KIF7: variants seen among roughly 807,000 people sequenced by gnomAD.
KIF7 encodes the protein kinesin family member 7, also known as kinesin-like protein KIF7.
A neutral mutation model predicts 135.7 loss-of-function variants in KIF7; 104 were observed. The observed-to-expected ratio is 0.77, with a 90% CI of 0.65 to 0.90. The LOEUF is 0.90. Among genes scored for constraint, KIF7 ranks in the 40% least tolerant of loss-of-function variants. The pLI is 0.00. For missense variants in KIF7, 2,005 were observed against 1,839.1 expected (o/e 1.09, Z -1.65); for synonymous variants, 883 against 809.4 (o/e 1.09, Z -1.54).
Position 89,652,910 on chromosome 15 carries a change from C to G in KIF7, c.21G>C (p.Arg7Ser). 1 of 1,526,428 alleles carries G rather than the reference C, an allele frequency of 6.6e-7. No individual in the cohort carries two copies. The highest frequency in any genetic ancestry group is 8.8e-7 in the Non-Finnish European group (1 of 1,133,644). 94.6% of individuals were successfully genotyped at this position (1,526,428 alleles called of 1,614,324 possible). ...CTGGGGCCTCCTCAGCCCCTGGCAG[C>G]CTCTGAGCCTCCAGCCCCATGCCGA... MGLEAQ[R>S]LPGAEEAPVR... Residue 7 changes from arginine to serine, a missense_variant, in exon 2 of 19, where the codon AGG (arginine) becomes AGC (serine). Physicochemically the swap from Arg to Ser is moderately radical, Grantham distance 110. Transcript: ENST00000394412.
In KIF7 at chr15:89,629,036, A is replaced by C; in HGVS notation, c.3604T>G (p.Trp1202Gly). The C allele has an allele frequency of 6.2e-7, 1 of 1,613,384 alleles. No individual in the cohort carries two copies. Among genetic ancestry groups the C allele is most frequent in the Non-Finnish European group, 8.5e-7 (1 of 1,179,930 alleles). The change falls in exon 18 of 19, where the codon TGG becomes GGG. Residue 1202 changes from tryptophan to glycine, a missense_variant. Transcript: ENST00000394412. Reference sequence around the variant, plus strand: ...TTCTGTTTCAGTTCCTGGTTTATCCACATGTAACGGCCCAGTTCCTTCTCC... The same window carrying C: ...TTCTGTTTCAGTTCCTGGTTTATCCCCATGTAACGGCCCAGTTCCTTCTCC... ...ALEKELGRYMWINQELKQKLG... is the reference protein window; with the variant it reads ...ALEKELGRYMGINQELKQKLG...
chr15:89,657,503 G>A (rs1964220465), upstream of KIF7, among the ~76,000 whole-genome samples: 1 of 152,136 alleles, frequency 6.6e-6, no homozygotes, highest in South Asian at 2.1e-4. Flanking sequence ...TGGATGTGCA[G>A]TGTTTTTCTG....
At chr15:89,623,487 C>A, downstream of KIF7, 1 of 935,444 alleles carries the variant, frequency 1.1e-6, no homozygotes, top group Non-Finnish European at 1.6e-6. Flanking sequence ...AAACGGGTCA[C>A]TATTTGAGAT....
chr15:89,623,863 G>T, downstream of KIF7: 1 of 1,613,940 alleles, frequency 6.2e-7, no homozygotes, highest in Non-Finnish European at 8.5e-7. Context: ...GGCAGGAGAA[G>T]GTACCTCTCT....
In KIF7 at chr15:89,646,042, A is replaced by G. The variant is rs368392945; in HGVS notation, c.1789-16T>C. 1 of 1,613,162 alleles carries G rather than the reference A, an allele frequency of 6.2e-7. No homozygotes were observed. Among genetic ancestry groups the G allele is most frequent in the Non-Finnish European group, 8.5e-7 (1 of 1,179,908 alleles). ...TTGTCACCTGCTAGGGGAGTGAGCC[A>G]TTTCCCATCCCAAGTCATCATCCCT... On this transcript the variant is annotated splice_polypyrimidine_tract_variant and intron_variant, in intron 7 of 18. Transcript: ENST00000394412.
downstream of KIF7, chr15:89,624,107 A>G (rs761093096): frequency 6.2e-7 from 1 of 1,613,674 alleles, no homozygotes; most frequent in South Asian, 1.1e-5. Flanking sequence ...AATCAAACAC[A>G]CCAACAGCCC....
downstream of KIF7, among the ~76,000 whole-genome samples, chr15:89,623,258 G>A (rs1324725003): frequency 2.6e-5 from 4 of 152,228 alleles, no homozygotes; most frequent in African/African-American, 9.7e-5. Context: ...GGCTCCTGGA[G>A]GCTGCTTTAG....
intron 15 of KIF7, chr15:89,631,193 C>T: frequency 2.4e-6 from 1 of 411,116 alleles, no homozygotes; most frequent in East Asian, 4.3e-5. Flanking sequence ...ACACTCCACA[C>T]ACGAAGCCGA....
downstream of KIF7, among the ~76,000 whole-genome samples, chr15:89,623,319 G>A (rs1963455937): frequency 6.6e-6 from 1 of 152,226 alleles, no homozygotes; most frequent in South Asian, 2.1e-4. Flanking sequence ...GAGCTAGAGA[G>A]TAGCTGCAGT....
In KIF7 at chr15:89,648,268, G is replaced by GC; in HGVS notation, c.1429dup (p.Ala477GlyfsTer8). 1 of 1,514,674 alleles carries GC rather than the reference G, an allele frequency of 6.6e-7. No individual in the cohort carries two copies. Among genetic ancestry groups the GC allele is most frequent in the Non-Finnish European group, 8.8e-7 (1 of 1,133,858 alleles). The allele number at this position is 1,514,674 out of a possible 1,614,324, so 93.8% of individuals were successfully genotyped here. On this transcript the variant is annotated frameshift_variant, in exon 5 of 19. Transcript: ENST00000394412. LOFTEE classifies it high-confidence loss of function. ...TCCCTCGGCCACCTTTCGCCCGCCG[G>GC]CCCCCTGCGCCGCCTGGTCCTCGAC... is the stretch of plus-strand genomic sequence containing the variant.
Position 89,628,439 on chromosome 15 carries a change from C to CATCA in KIF7, c.4008_4011dup (p.Val1338Ter). 1 of 1,607,098 alleles carries CATCA rather than the reference C, an allele frequency of 6.2e-7. No individual in the cohort carries two copies. Among genetic ancestry groups the CATCA allele is most frequent in the Non-Finnish European group, 8.5e-7 (1 of 1,176,512 alleles). ...AGGGCTTACAGGGGGTTTTTCCGGA[C>CATCA]ATCAATCATCCCCGGGCTGGCTCGT... On this transcript the variant is annotated stop_gained and frameshift_variant, in exon 19 of 19. Coordinates refer to ENST00000394412, the MANE Select transcript of KIF7 (RefSeq NM_198525.3). LOFTEE classifies it high-confidence loss of function.
intron 7 of KIF7, 40 bp downstream of exon 7, chr15:89,646,790 C>A: frequency 6.3e-7 from 1 of 1,590,804 alleles, no homozygotes; most frequent in Non-Finnish European, 8.6e-7. Context: ...TTGACCAGTC[C>A]AGCAGGGCCC....
At chr15:89,630,261 TG>T (rs759958018) in intron 16 of KIF7, 25 bp downstream of exon 16, 2 of 1,609,636 alleles carry the variant, frequency 1.2e-6, no homozygotes, top group Non-Finnish European at 8.5e-7. Context: ...GAGGAGGAGC[TG>T]GGGGGCCATG....
chr15:89,657,114 C>T (rs111410561), upstream of KIF7, among the ~76,000 whole-genome samples: 1 of 152,042 alleles, frequency 6.6e-6, no homozygotes, highest in Non-Finnish European at 1.5e-5. Flanking sequence ...TTGAGACCAA[C>T]CTGGGCAATA....
Position 89,647,027 on chromosome 15 carries a change from T to TCTC in KIF7, c.1588_1590dup (p.Glu530dup). On this transcript the variant is annotated inframe_insertion, in exon 7 of 19. Transcript: ENST00000394412. ...TCTAACCGCAGCCGCAGTTCCACCA[T>TCTC]CTCCTCCTGCTGCTCACGCAGCCGG... The TCTC allele has an allele frequency of 6.2e-7, 1 of 1,608,406 alleles. No homozygotes were observed. The highest frequency in any genetic ancestry group is 8.5e-7 in the Non-Finnish European group (1 of 1,178,132).
At chr15:89,640,306 AAAT>A (rs58183714) in intron 11 of KIF7, among the ~76,000 whole-genome samples, 27 of 151,278 alleles carry the variant, frequency 1.8e-4, no homozygotes, top group South Asian at 8.3e-4. Flanking sequence ...AATAAATTAA[AAAT>A]AATAATAATA....
At chr15:89,625,184 C>A (rs1328865556), downstream of KIF7, 1 of 1,613,832 alleles carries the variant, frequency 6.2e-7, no homozygotes, top group South Asian at 1.1e-5. Context: ...GTGTCACCCC[C>A]CTGCCCCCGC....
intron 11 of KIF7, among the ~76,000 whole-genome samples, chr15:89,641,810 C>T (rs1963924807): frequency 6.6e-6 from 1 of 152,026 alleles, no homozygotes; most frequent in Non-Finnish European, 1.5e-5. Context: ...CAAAGAAAGA[C>T]TAAACCGATG....
chr15:89,633,060 C>T (rs2142001028), intron 13 of KIF7, 64 bp from the exon 14 acceptor site: 2 of 1,599,192 alleles, frequency 1.3e-6, no homozygotes, highest in Middle Eastern at 1.7e-4. Context: ...TCAGCCGCCA[C>T]TCGAGGTTCA....
Sources: gnomAD v4.1 joint callset for allele counts (sites outside exome capture counted in the v4.1 genomes callset) on GRCh38, gnomAD v4.1.1 for gene constraint, MANE v1.5 for transcripts, NCBI Gene and HGNC (gene_info 2026-07-23, HGNC 2026-07-21) for gene names.